The following SLC4A4 variants were observed in gnomAD, a reference collection of about 807,000 sequenced individuals.
SLC4A4 encodes the protein solute carrier family 4 member 4, also known as electrogenic sodium bicarbonate cotransporter 1.
In SLC4A4, 27 loss-of-function variants were observed where a neutral mutation model predicts 111.5. That is an observed-to-expected ratio of 0.24 (90% CI 0.18 to 0.33). SLC4A4 has a LOEUF of 0.33. Among genes scored for constraint, SLC4A4 ranks in the 10% least tolerant of loss-of-function variants. The pLI is 1.00. For missense variants in SLC4A4, 909 were observed against 1,315.5 expected (o/e 0.69, Z 4.78); for synonymous variants, 443 against 463.4 (o/e 0.96, Z 0.57).
chr4:71,290,078 G>C (rs1266236472), intron 3 of SLC4A4, among the ~76,000 whole-genome samples: 7 of 152,016 alleles, frequency 4.6e-5, no homozygotes, highest in Admixed American at 1.3e-4. Context: ...AAGTCTGCTG[G>C]GTTAGGAAAA....
chr4:71,329,184 C>T (rs1340778583), intron 3 of SLC4A4, among the ~76,000 whole-genome samples: 2 of 151,812 alleles, frequency 1.3e-5, no homozygotes, highest in East Asian at 1.9e-4. Context: ...GTTTGTGTGT[C>T]ATTTTTATGG....
chr4:71,504,403 C>G (rs1026523088), intron 16 of SLC4A4, among the ~76,000 whole-genome samples: 3 of 151,948 alleles, frequency 2.0e-5, no homozygotes, highest in African/African-American at 7.2e-5. Context: ...CTAGTCTGTT[C>G]TTGATGCTAT....
chr4:71,212,559 G>A (rs927020385), intron 1 of SLC4A4, among the ~76,000 whole-genome samples: 7 of 152,230 alleles, frequency 4.6e-5, no homozygotes, highest in African/African-American at 1.7e-4. Flanking sequence ...CAGGACAGAG[G>A]CACAATGGGG....
chr4:71,519,130 T>G (rs1732691760), intron 16 of SLC4A4, among the ~76,000 whole-genome samples: 1 of 152,248 alleles, frequency 6.6e-6, no homozygotes, highest in African/African-American at 2.4e-5. Flanking sequence ...AGTATTTTAA[T>G]CAGTGCCTAG....
At chr4:71,247,382 T>C (rs1281139133) in intron 2 of SLC4A4, among the ~76,000 whole-genome samples, 2 of 150,322 alleles carry the variant, frequency 1.3e-5, no homozygotes, top group East Asian at 3.9e-4. Context: ...TATTAAATAG[T>C]TGATACCTGA....
chr4:71,521,030 A>C (rs1732883941), intron 16 of SLC4A4, among the ~76,000 whole-genome samples: 1 of 152,036 alleles, frequency 6.6e-6, no homozygotes, highest in African/African-American at 2.4e-5. Context: ...TCTGATCAAA[A>C]TTTTAAAGTC....
intron 20 of SLC4A4, among the ~76,000 whole-genome samples, chr4:71,551,085 T>G (rs930446922): frequency 2.0e-5 from 3 of 151,814 alleles, no homozygotes; most frequent in African/African-American, 7.3e-5. Flanking sequence ...TAAGTGAGTA[T>G]TCTGTATGGG....
chr4:71,373,484 T>C (rs1341089659), intron 6 of SLC4A4, among the ~76,000 whole-genome samples: 1 of 152,110 alleles, frequency 6.6e-6, no homozygotes, highest in African/African-American at 2.4e-5. Flanking sequence ...CATGCTAGGC[T>C]AGAGAAAAGT....
At chr4:71,188,776 T>C (rs545876972) in intron 1 of SLC4A4, among the ~76,000 whole-genome samples, 3 of 152,354 alleles carry the variant, frequency 2.0e-5, no homozygotes, top group South Asian at 2.1e-4. Context: ...CTTGTGTCTT[T>C]CATATTAGCA....
intron 2 of SLC4A4, among the ~76,000 whole-genome samples, chr4:71,120,144 T>TCTTGTGTC (rs989156820): frequency 6.6e-6 from 1 of 152,208 alleles, no homozygotes; most frequent in Non-Finnish European, 1.5e-5. Flanking sequence ...CTTTTCTTTT[T>TCTTGTGTC]CTTGTGTCCT....
At chr4:71,502,725 C>T (rs1455773764) in intron 16 of SLC4A4, among the ~76,000 whole-genome samples, 2 of 152,084 alleles carry the variant, frequency 1.3e-5, no homozygotes, top group East Asian at 3.9e-4. Flanking sequence ...CTTAAATTTT[C>T]TAAGACTAGT....
intron 6 of SLC4A4, among the ~76,000 whole-genome samples, chr4:71,366,611 A>G (rs1731352168): frequency 6.6e-6 from 1 of 152,188 alleles, no homozygotes; most frequent in African/African-American, 2.4e-5. Context: ...TGATGTAAAG[A>G]GAATATGTAA....
intron 2 of SLC4A4, among the ~76,000 whole-genome samples, chr4:71,175,220 A>C (rs1259186664): frequency 6.6e-6 from 1 of 152,266 alleles, no homozygotes; most frequent in Non-Finnish European, 1.5e-5. Context: ...GGTGGAGCCA[A>C]GATGGCTGAA....
intron 1 of SLC4A4, among the ~76,000 whole-genome samples, chr4:71,199,739 C>T (rs1253622557): frequency 1.3e-5 from 2 of 152,104 alleles, no homozygotes; most frequent in Non-Finnish European, 2.9e-5. Context: ...AACCTCCAAC[C>T]TCCTAGGTTC....
chr4:71,154,485 A>G (rs1401986774), intron 2 of SLC4A4, among the ~76,000 whole-genome samples: 1 of 152,226 alleles, frequency 6.6e-6, no homozygotes, highest in East Asian at 1.9e-4. Context: ...AGATGCTTGA[A>G]TAGGATAGAT....
At chr4:71,408,208 G>C (rs4309804) in intron 7 of SLC4A4, among the ~76,000 whole-genome samples, 151,537 of 152,278 alleles carry the variant, frequency 1, 75,404 homozygotes, top group Middle Eastern at 1. Context: ...ACTGTGGCAG[G>C]AGAAACATCC....
At chr4:71,548,459 G>C (rs563182635) in intron 20 of SLC4A4, among the ~76,000 whole-genome samples, 2 of 151,918 alleles carry the variant, frequency 1.3e-5, no homozygotes, top group South Asian at 2.1e-4. Context: ...GAAAGTTAGT[G>C]TATACCTCTT....
chr4:71,128,724 A>G (rs1743623447), intron 2 of SLC4A4, among the ~76,000 whole-genome samples: 1 of 152,120 alleles, frequency 6.6e-6, no homozygotes, highest in African/African-American at 2.4e-5. Flanking sequence ...CCTAGACTCA[A>G]GCAATTTGAC....
At chr4:71,226,993 G>A (rs534261167) in intron 1 of SLC4A4, among the ~76,000 whole-genome samples, 1 of 152,188 alleles carries the variant, frequency 6.6e-6, no homozygotes, top group Admixed American at 6.5e-5. Flanking sequence ...TAATGTGGTG[G>A]GGACAAGAGC....
Sources: allele counts gnomAD v4.1 joint callset (sites outside exome capture counted in the v4.1 genomes callset), GRCh38; gene constraint gnomAD v4.1.1; transcripts MANE v1.5; gene names NCBI Gene and HGNC (gene_info 2026-07-23, HGNC 2026-07-21).